The following COX7B2 variants were observed in gnomAD, a reference collection of about 807,000 sequenced individuals.
COX7B2 encodes cytochrome c oxidase subunit 7B2, mitochondrial.
For synonymous variants in COX7B2, 37 were observed against 32.1 expected (o/e 1.15, Z -0.51); for missense variants, 109 against 95.9 (o/e 1.14, Z -0.57).
chr4:46,768,172 T>G (rs1716658479), intron 2 of COX7B2, among the ~76,000 whole-genome samples: 1 of 152,256 alleles, frequency 6.6e-6, no homozygotes, highest in Admixed American at 6.5e-5. Context: ...GGTCCTTGTC[T>G]GGTACCCAAG....
intron 2 of COX7B2, among the ~76,000 whole-genome samples, chr4:46,798,510 T>A (rs1484113173): frequency 6.6e-6 from 1 of 152,158 alleles, no homozygotes; most frequent in East Asian, 1.9e-4. Flanking sequence ...GAAATGCCAT[T>A]TGGAGTCTTT....
At chr4:46,840,414 A>G (rs1306212728) in intron 2 of COX7B2, among the ~76,000 whole-genome samples, 1 of 152,006 alleles carries the variant, frequency 6.6e-6, no homozygotes, top group Non-Finnish European at 1.5e-5. Flanking sequence ...AGGATATTAT[A>G]TTAAATAAGC....
At chr4:46,850,280 A>ATT (rs1212681548) in intron 1 of COX7B2, among the ~76,000 whole-genome samples, 4 of 151,968 alleles carry the variant, frequency 2.6e-5, no homozygotes, top group African/African-American at 9.7e-5. Flanking sequence ...AAAAATAATG[A>ATT]TTTAAAAATG....
chr4:46,836,292 T>C (rs1715507168), intron 2 of COX7B2, among the ~76,000 whole-genome samples: 1 of 152,144 alleles, frequency 6.6e-6, no homozygotes, highest in South Asian at 2.1e-4. Flanking sequence ...ACAAACACTG[T>C]ACAACTGTCC....
At chr4:46,808,088 T>G (rs2109651934) in intron 2 of COX7B2, among the ~76,000 whole-genome samples, 1 of 151,996 alleles carries the variant, frequency 6.6e-6, no homozygotes, top group Non-Finnish European at 1.5e-5. Context: ...ATATGGATTG[T>G]GTTAAATTTG....
intron 2 of COX7B2, among the ~76,000 whole-genome samples, chr4:46,752,325 G>C (rs146455153): frequency 0.32 from 46,544 of 147,208 alleles, 7,590 homozygotes; most frequent in South Asian, 0.46. Flanking sequence ...TGGGCTGAGA[G>C]GATGGGGTTT....
chr4:46,764,426 T>G (rs1173632525), intron 2 of COX7B2, among the ~76,000 whole-genome samples: 1 of 151,966 alleles, frequency 6.6e-6, no homozygotes, highest in Non-Finnish European at 1.5e-5. Context: ...GTGCCTGTAA[T>G]CCCAGCTACT....
intron 2 of COX7B2, among the ~76,000 whole-genome samples, chr4:46,760,089 A>G (rs1303184527): frequency 6.6e-6 from 1 of 152,060 alleles, no homozygotes; most frequent in Admixed American, 6.6e-5. Flanking sequence ...AATAAAAGCA[A>G]TATAATCTAT....
At position 46,790,905 on chromosome 4, in the gene COX7B2, T is replaced by A. The variant is rs149732468; in HGVS notation, c.-50+54055A>T. Among the ~76,000 whole-genome samples the A allele has an allele frequency of 6.5e-4, 99 of 152,344 alleles. 1 individual carries two copies. The highest frequency in any genetic ancestry group is 4.2e-3 in the Admixed American group (64 of 15,304). On this transcript the variant is annotated intron_variant, in intron 2 of 2. Transcript: ENST00000355591. ...GCTGAAATTCCAGTGAGAGTGAAATTTTACTGTAAACTTCGGTCCATTTCA... is the reference window on the plus strand; with the variant it reads ...GCTGAAATTCCAGTGAGAGTGAAATATTACTGTAAACTTCGGTCCATTTCA...
chr4:46,761,082 A>G (rs114466701), intron 2 of COX7B2, among the ~76,000 whole-genome samples: 281 of 152,218 alleles, frequency 1.8e-3, no homozygotes, highest in African/African-American at 6.3e-3. Context: ...ACACAGGACA[A>G]CTTCTTATAA....
At chr4:46,821,125 G>T (rs968988878) in intron 2 of COX7B2, among the ~76,000 whole-genome samples, 1 of 151,968 alleles carries the variant, frequency 6.6e-6, no homozygotes, top group Admixed American at 6.6e-5. Flanking sequence ...CTTCTGCTCC[G>T]AATTCAGTCT....
At chr4:46,836,335 T>G (rs562980901) in intron 2 of COX7B2, among the ~76,000 whole-genome samples, 13 of 152,136 alleles carry the variant, frequency 8.5e-5, no homozygotes, top group African/African-American at 2.6e-4. Flanking sequence ...TCTATACGTT[T>G]TTTTCTCTAT....
At chr4:46,754,582 C>G (rs906609688) in intron 2 of COX7B2, among the ~76,000 whole-genome samples, 1 of 147,896 alleles carries the variant, frequency 6.8e-6, no homozygotes, top group African/African-American at 2.5e-5. Context: ...AGGAGATATA[C>G]CTAATGCAAA....
At chr4:46,871,762 C>T (rs998213047) in intron 1 of COX7B2, among the ~76,000 whole-genome samples, 1 of 151,582 alleles carries the variant, frequency 6.6e-6, no homozygotes, top group African/African-American at 2.4e-5. Context: ...TAGAAAAATG[C>T]CAATCAAAAA....
At chr4:46,854,395 T>C (rs909996004) in intron 1 of COX7B2, among the ~76,000 whole-genome samples, 1 of 152,218 alleles carries the variant, frequency 6.6e-6, no homozygotes, top group Non-Finnish European at 1.5e-5. Context: ...AGGAAAATTC[T>C]TCACGATGAT....
intron 2 of COX7B2, among the ~76,000 whole-genome samples, chr4:46,781,130 CTTACTA>C (rs1326951368): frequency 2.6e-5 from 4 of 152,036 alleles, no homozygotes; most frequent in Non-Finnish European, 5.9e-5. Flanking sequence ...AGCTAGTAGA[CTTACTA>C]TTAGAAGGTG....
intron 1 of COX7B2, among the ~76,000 whole-genome samples, chr4:46,866,145 C>A (rs2221854): frequency 0.32 from 47,930 of 152,060 alleles, 7,763 homozygotes; most frequent in Admixed American, 0.39. Flanking sequence ...AGTAAGGAAG[C>A]CGTACATGAT....
intron 2 of COX7B2, among the ~76,000 whole-genome samples, chr4:46,787,402 G>A (rs1257366893): frequency 6.6e-6 from 1 of 151,880 alleles, no homozygotes; most frequent in African/African-American, 2.4e-5. Flanking sequence ...AGCCGAGATC[G>A]TGCCATTGCA....
intron 1 of COX7B2, among the ~76,000 whole-genome samples, chr4:46,894,714 G>A (rs1224939123): frequency 1.3e-5 from 2 of 151,962 alleles, no homozygotes; most frequent in Admixed American, 1.3e-4. Context: ...CTACAGAATG[G>A]GAGAAAATAT....
Sources: allele counts gnomAD v4.1 joint callset (sites outside exome capture counted in the v4.1 genomes callset), GRCh38; gene constraint gnomAD v4.1.1; transcripts MANE v1.5; gene names NCBI Gene and HGNC (gene_info 2026-07-23, HGNC 2026-07-21).